Variants in TMLHE observed in about 807,000 individuals in gnomAD.
TMLHE encodes trimethyllysine hydroxylase, epsilon.
A neutral mutation model predicts 25.7 loss-of-function variants in TMLHE; 18 were observed. The observed-to-expected ratio is 0.70, with a 90% CI of 0.48 to 1.04. TMLHE has a LOEUF of 1.04. TMLHE is among the 50% of genes least tolerant of loss of function. The pLI is 0.00. For synonymous variants in TMLHE, 105 were observed against 97.0 expected, an observed-to-expected ratio of 1.08 and a Z score of -0.49; for missense variants, 236 against 259.0, an observed-to-expected ratio of 0.91 and a Z score of 0.61.
At chrX:155,606,799 C>A (rs200093580) in intron 1 of TMLHE, among the ~76,000 whole-genome samples, 67 of 78,321 alleles carry the variant, frequency 8.6e-4, no homozygotes, top group South Asian at 1.6e-3. Context: ...CACAGAAATA[C>A]AAAAAAAAAA....
At position 155,514,253 on chromosome X, in the gene TMLHE, T is replaced by C. The variant is rs781986663; in HGVS notation, c.371A>G (p.His124Arg). Reference protein sequence around the residue: ...TTLFFTWPDGHVTKYDLNWLV... With the variant: ...TTLFFTWPDGRVTKYDLNWLV... ...CCAATTCAAATCATATTTAGTCACA[T>C]GACCATCTGGCCCTTTTAAGGGGAA... Residue 124 changes from histidine to arginine, a missense_variant, in exon 4 of 8, where the codon CAT becomes CGT. By Grantham distance (29) the His-to-Arg change is conservative. This residue lies in a region of TMLHE where 217 missense variants were observed against 214.6 expected (regional missense o/e 1.01). Transcript: ENST00000334398. 4 of 1,203,909 alleles carry C rather than the reference T, an allele frequency of 3.3e-6. No homozygotes were observed. The East Asian group carries it at 1.2e-4, about 36-fold the overall frequency.
At chrX:155,512,318 TTC>T (rs1285161413) in intron 4 of TMLHE, among the ~76,000 whole-genome samples, 1 of 40,451 alleles carries the variant, frequency 2.5e-5, no homozygotes, top group Non-Finnish European at 4.4e-5. Flanking sequence ...CCCTCCCCCC[TTC>T]CCCCCACCCC....
At chrX:155,580,151 C>G (rs1030206927) in intron 1 of TMLHE, among the ~76,000 whole-genome samples, 10 of 111,171 alleles carry the variant, frequency 9.0e-5, no homozygotes, top group African/African-American at 2.9e-4. Flanking sequence ...ACAAAGAAAA[C>G]AAATAACTCC....
chrX:155,611,114 A>C (rs182699908), intron 1 of TMLHE, among the ~76,000 whole-genome samples: 105 of 111,436 alleles, frequency 9.4e-4, no homozygotes, highest in Non-Finnish European at 1.2e-3. Context: ...ATCATGAGGT[A>C]TTTTCCTCAT....
intron 1 of TMLHE, among the ~76,000 whole-genome samples, chrX:155,580,745 A>T (rs2067621365): frequency 9.0e-6 from 1 of 111,409 alleles, no homozygotes; most frequent in Admixed American, 9.5e-5. Flanking sequence ...TTATAAAACC[A>T]TCAGCTCTCC....
chrX:155,598,688 A>T (rs1407457678), intron 1 of TMLHE, among the ~76,000 whole-genome samples: 1 of 110,208 alleles, frequency 9.1e-6, no homozygotes, highest in Non-Finnish European at 1.9e-5. Context: ...TGTACCCTAA[A>T]ACTTAAAGTA....
chrX:155,524,794 T>C (rs56387516), intron 2 of TMLHE, among the ~76,000 whole-genome samples, 162 bp from the exon 3 acceptor site: 61,152 of 110,545 alleles, frequency 0.55, 14,341 homozygotes, highest in Middle Eastern at 0.77. Context: ...AGAACTTCTA[T>C]AATTAAAATG....
intron 2 of TMLHE, among the ~76,000 whole-genome samples, chrX:155,533,836 T>G (rs2067263516): frequency 8.9e-6 from 1 of 111,951 alleles, no homozygotes. Context: ...GAGAGAGCAG[T>G]TGGTTCCTTC....
intron 1 of TMLHE, among the ~76,000 whole-genome samples, chrX:155,556,007 T>A (rs2067451890): frequency 1.8e-5 from 2 of 110,800 alleles, no homozygotes; most frequent in Admixed American, 1.9e-4. Context: ...GTTTTAGGTC[T>A]AACATTTAAG....
chrX:155,550,308 T>C (rs1271494374), intron 1 of TMLHE, among the ~76,000 whole-genome samples: 1 of 110,984 alleles, frequency 9.0e-6, no homozygotes, highest in Non-Finnish European at 1.9e-5. Context: ...TAACTTGTCC[T>C]AATTAAACTA....
At chrX:155,551,317 G>A (rs985768936) in intron 1 of TMLHE, among the ~76,000 whole-genome samples, 5 of 107,441 alleles carry the variant, frequency 4.7e-5, no homozygotes, top group Admixed American at 9.8e-5. Context: ...CCATTAACCC[G>A]TCATTTAACA....
chrX:155,527,735 A>G (rs1374183347), intron 2 of TMLHE, among the ~76,000 whole-genome samples: 1 of 112,359 alleles, frequency 8.9e-6, no homozygotes, highest in African/African-American at 3.2e-5. Context: ...AGTACAAAAA[A>G]TTAAAACTGT....
chrX:155,547,891 A>C (rs1311607707), intron 1 of TMLHE, among the ~76,000 whole-genome samples: 1 of 110,893 alleles, frequency 9.0e-6, no homozygotes, highest in Non-Finnish European at 1.9e-5. Flanking sequence ...AAATCTCCAC[A>C]CCTGCTATAG....
intron 1 of TMLHE, among the ~76,000 whole-genome samples, chrX:155,568,094 G>T (rs1370079015): frequency 4.9e-5 from 3 of 61,381 alleles, no homozygotes; most frequent in African/African-American, 1.1e-4. Context: ...AAAGAAAGGG[G>T]TGACAGATGG....
chrX:155,527,291 A>G (rs1324862476), intron 2 of TMLHE, among the ~76,000 whole-genome samples: 1 of 111,471 alleles, frequency 9.0e-6, no homozygotes, highest in Non-Finnish European at 1.9e-5. Flanking sequence ...GGTTGTTTAA[A>G]AGTGTGTAGC....
Position 155,561,431 on chromosome X carries a change from G to C in TMLHE, c.-1-16154C>G, listed in dbSNP as rs1215734857. 4.9e-5 allele frequency among the ~76,000 whole-genome samples: 3 copies of C among 60,793 alleles called. 1 individual carries two copies. The highest frequency in any genetic ancestry group is 1.4e-4 in the Non-Finnish European group (3 of 21,738). 52.8% of individuals were successfully genotyped at this position (60,793 alleles called of 115,157 possible). On this transcript the variant is annotated intron_variant, in intron 1 of 7. Coordinates refer to ENST00000334398, the MANE Select transcript of TMLHE (RefSeq NM_018196.4). ...CCACCAGGCCCCTCCTCTAACATTG[G>C]GGATTACAATTAGACATGAGACTTG... is the stretch of plus-strand genomic sequence containing the variant.
chrX:155,601,962 A>G (rs1557347340), intron 1 of TMLHE, among the ~76,000 whole-genome samples: 1 of 111,441 alleles, frequency 9.0e-6, no homozygotes, highest in Non-Finnish European at 1.9e-5. Context: ...TTTTATAATG[A>G]TGAAAGGTTC....
chrX:155,533,386 C>CAA (rs2067260823), intron 2 of TMLHE, among the ~76,000 whole-genome samples: 1 of 110,918 alleles, frequency 9.0e-6, no homozygotes, highest in Non-Finnish European at 1.9e-5. Context: ...CACGCACACA[C>CAA]ACACACACAC....
At chrX:155,605,952 A>AT (rs1569562296) in intron 1 of TMLHE, among the ~76,000 whole-genome samples, 1 of 111,822 alleles carries the variant, frequency 8.9e-6, no homozygotes, top group Non-Finnish European at 1.9e-5. Flanking sequence ...AGGGATTACT[A>AT]TTTTAATTTC....
Sources: allele counts gnomAD v4.1 joint callset (sites outside exome capture counted in the v4.1 genomes callset), GRCh38; gene constraint gnomAD v4.1.1; regional missense constraint gnomAD v4.1.1; transcripts MANE v1.5; gene names NCBI Gene and HGNC (gene_info 2026-07-23, HGNC 2026-07-21).